Variants in ARHGEF17 observed in about 807,000 individuals in gnomAD.
ARHGEF17 encodes 164 kDa Rho-specific guanine-nucleotide exchange factor.
Under a neutral mutation model 174.0 loss-of-function variants are expected in ARHGEF17, and 80 were observed. That is an observed-to-expected ratio of 0.46 (90% CI 0.38 to 0.55). The LOEUF is 0.55. Ranked by LOEUF, ARHGEF17 falls within the 20% of genes least tolerant of loss-of-function variation. ARHGEF17 has a pLI of 0.00. For synonymous variants in ARHGEF17, 1,311 were observed against 1,189.1 expected (o/e 1.10, Z -2.11); for missense variants, 2,886 against 2,839.7 (o/e 1.02, Z -0.37).
rs539868816 is a variant in ARHGEF17, at chr11:73,350,987, G to A, written c.3271-1843G>A. Among the ~76,000 whole-genome samples, 12 of 152,346 alleles carry A rather than the reference G, an allele frequency of 7.9e-5. No individual in the cohort carries two copies. In the East Asian group the frequency reaches 1.4e-3, roughly 17 times the overall value. The stretch of plus-strand genomic sequence containing the variant: ...GGGGCATTGGCTTGTGCCAGGTTCC[G>A]TATTGGGCTCTCAGTCATTGTTTGT... On this transcript the variant is annotated intron_variant, in intron 2 of 20. Transcript: ENST00000263674.
rs1865621344 is a variant in ARHGEF17 at position 73,355,436 on chromosome 11, G to A, written c.3454-97G>A. 6 of 771,300 alleles carry A rather than the reference G, an allele frequency of 7.8e-6. No homozygotes were observed. In the East Asian group the frequency reaches 1.5e-4, roughly 19 times the overall value. The allele number at this position is 771,300 out of a possible 1,614,324, so 47.8% of individuals were successfully genotyped here. The stretch of plus-strand genomic sequence containing the variant: ...GAGATTGTATCATTTCTAGTTGGAG[G>A]GAAAAGATGGTGACTCATGAATCAG... On this transcript the variant is annotated intron_variant, in intron 3 of 20. Transcript: ENST00000263674.
rs751964355 is a variant in ARHGEF17 at position 73,346,929 on chromosome 11, C to T, written c.3239C>T (p.Ser1080Leu). The stretch of plus-strand genomic sequence containing the variant: ...ATGACCCTGCTGGACACAGAGCAGT[C>T]GTATGTGGAGTCGCTGCGCACCCTG... The part of the protein sequence containing the change: ...VAMTLLDTEQ[S>L]YVESLRTLMQ... The change falls in exon 2 of 21, where the codon TCG becomes TTG. Residue 1080 changes from serine (S) to leucine (L), a missense_variant. Around this residue, in one of 4 missense-constraint regions of ARHGEF17, gnomAD observed 353 missense variants for 470.3 expected, o/e 0.75. Coordinates refer to ENST00000263674, the MANE Select transcript of ARHGEF17 (RefSeq NM_014786.4). 3.2e-6 allele frequency: 5 copies of T among 1,565,450 alleles called. No homozygotes were observed. The highest frequency in any genetic ancestry group is 1.8e-5 in the Admixed American group (1 of 56,790).
Position 73,310,544 on chromosome 11 carries a change from C to T in ARHGEF17, c.1906C>T (p.Leu636Phe), listed in dbSNP as rs766325143. 6.2e-7 allele frequency: 1 copy of T among 1,614,080 alleles called. No homozygotes were observed. The highest frequency in any genetic ancestry group is 2.2e-5 in the East Asian group (1 of 44,892). ...VTRGQRSQEE[L>F]SGPESSLTDE... ...CCGAGGGCAGCGGTCCCAGGAGGAG[C>T]TCTCAGGCCCTGAGTCCAGTCTGAC... The change falls in exon 1 of 21, where the codon CTC becomes TTC. Residue 636 changes from leucine to phenylalanine, a missense_variant. This residue lies in a region of ARHGEF17 where 1,728 missense variants were observed against 1,461.2 expected (regional missense o/e 1.18). Transcript: ENST00000263674.
rs200889748 is a variant in ARHGEF17 at position 73,367,696 on chromosome 11, C to G, written c.6108C>G (p.Phe2036Leu). The change falls in exon 21 of 21, where the codon TTC becomes TTG. Residue 2036 changes from phenylalanine to leucine, a missense_variant. By Grantham distance (22) the Phe-to-Leu change is conservative (BLOSUM62 0). This residue lies in a region of ARHGEF17 where 329 missense variants were observed against 435.2 expected (regional missense o/e 0.76). Coordinates refer to ENST00000263674, the MANE Select transcript of ARHGEF17 (RefSeq NM_014786.4). Reference protein sequence around the residue: ...VISGGDGYEDFRLSSGGGSSS... With the variant: ...VISGGDGYEDLRLSSGGGSSS... ...GTGGAGGTGATGGCTATGAGGACTT[C>G]CGACTCAGCAGTGGGGGCGGCAGCA... The G allele has an allele frequency of 3.5e-5, 56 of 1,613,988 alleles. No homozygotes were observed. Among genetic ancestry groups the G allele is most frequent in the Non-Finnish European group, 2.5e-6 (3 of 1,180,016 alleles).
In ARHGEF17 at chr11:73,365,623, G is replaced by A; in HGVS notation, c.5726-55G>A. On this transcript the variant is annotated intron_variant, in intron 19 of 20. Transcript: ENST00000263674. This position sits in a 1 kb window ranked among gnomAD's most constrained non-coding sequence, Gnocchi z 4.9. ...GGAGCCTTTCTGCCCGATCGTAGAG[G>A]CGGCTGAGCCAGGGCCAGAATTCAG... 1 of 1,608,016 alleles carries A rather than the reference G, an allele frequency of 6.2e-7. No homozygotes were observed. The highest frequency in any genetic ancestry group is 1.7e-5 in the Admixed American group (1 of 59,928).
chr11:73,329,582 T>C (rs112683374), intron 1 of ARHGEF17, among the ~76,000 whole-genome samples: 12,022 of 150,898 alleles, frequency 0.08, 608 homozygotes, highest in Non-Finnish European at 0.11. Flanking sequence ...GTATTTTTAG[T>C]AGAGATGGGA....
At position 73,308,633 on chromosome 11, in the gene ARHGEF17, G is replaced by T. The variant is rs1864732898; in HGVS notation, c.-6G>T. On this transcript the variant is annotated 5_prime_UTR_variant, in exon 1 of 21. Coordinates refer to ENST00000263674, the MANE Select transcript of ARHGEF17 (RefSeq NM_014786.4). ...GGCCAGCCCCCCCGGAGTGAGTTAC[G>T]CCACTATGGCGGACGGGGCACCCCG... 2 of 1,481,518 alleles carry T rather than the reference G, an allele frequency of 1.3e-6. No homozygotes were observed. Among genetic ancestry groups the T allele is most frequent in the South Asian group, 2.6e-5 (2 of 77,512 alleles). The allele number at this position is 1,481,518 out of a possible 1,614,324, so 91.8% of individuals were successfully genotyped here.
At chr11:73,315,127 A>G (rs1366483055) in intron 1 of ARHGEF17, among the ~76,000 whole-genome samples, 14 of 152,340 alleles carry the variant, frequency 9.2e-5, no homozygotes, top group Admixed American at 7.2e-4. Flanking sequence ...GAATCCTAGC[A>G]TATCAGTGTC....
At position 73,309,376 on chromosome 11, in the gene ARHGEF17, T is replaced by A; in HGVS notation, c.738T>A (p.Arg246=). The change falls in exon 1 of 21, where the codon CGT becomes CGA. Residue 246 remains arginine, a synonymous_variant. Transcript: ENST00000263674. ...CCTCCTATCCTGTCAGCCGCAGTCGTGCTGCCAGCTCCAGCGAGGAGGAAG... is the reference window on the plus strand; with the variant it reads ...CCTCCTATCCTGTCAGCCGCAGTCGAGCTGCCAGCTCCAGCGAGGAGGAAG... ...IAASYPVSRS[R]AASSSEEEEE... is the part of the protein sequence containing the mutation. 1.3e-6 allele frequency: 2 copies of A among 1,589,800 alleles called. No homozygotes were observed. The highest frequency in any genetic ancestry group is 1.7e-6 in the Non-Finnish European group (2 of 1,167,668).
intron 1 of ARHGEF17, among the ~76,000 whole-genome samples, chr11:73,339,471 C>T (rs1208507636): frequency 6.6e-6 from 1 of 151,970 alleles, no homozygotes; most frequent in Non-Finnish European, 1.5e-5. Context: ...GTTATCTGTC[C>T]ATTTGTTTGT....
rs780509093 is a variant in ARHGEF17, at chr11:73,310,337, A to G, written c.1699A>G (p.Ser567Gly). The G allele has an allele frequency of 3.1e-6, 5 of 1,613,638 alleles. No homozygotes were observed. The East Asian group carries it at 1.1e-4, about 36-fold the overall frequency. Residue 567 changes from serine (S) to glycine (G), a missense_variant, in exon 1 of 21, where the codon AGC (serine) becomes GGC (glycine). By Grantham distance (56) the Ser-to-Gly change is moderately conservative (BLOSUM62 0). Around this residue, in one of 4 missense-constraint regions of ARHGEF17, gnomAD observed 1,728 missense variants for 1,461.2 expected, o/e 1.18. Coordinates refer to ENST00000263674, the MANE Select transcript of ARHGEF17 (RefSeq NM_014786.4). Reference protein sequence around the residue: ...RLPRTSALKSSSSELLLTGPG... With the variant: ...RLPRTSALKSGSSELLLTGPG... Reference sequence around the variant, plus strand: ...GCCCCGCACCAGTGCTCTGAAGTCCAGCTCCTCCGAGCTCCTGCTCACAGG... The same window carrying G: ...GCCCCGCACCAGTGCTCTGAAGTCCGGCTCCTCCGAGCTCCTGCTCACAGG...
chr11:73,347,664 C>T (rs1865487035), intron 2 of ARHGEF17, among the ~76,000 whole-genome samples: 1 of 152,178 alleles, frequency 6.6e-6, no homozygotes, highest in Non-Finnish European at 1.5e-5. Context: ...GCTGTGGGGG[C>T]CTAGAACACC....
rs1388770136 is a variant in ARHGEF17 at position 73,363,204 on chromosome 11, A to C, written c.4997-2A>C. On this transcript the variant is annotated splice_acceptor_variant, in intron 14 of 20. Transcript: ENST00000263674. LOFTEE classifies it high-confidence loss of function. ...GGAGACAGAGACCTTTGTCTCCCTC[A>C]GATGAGGAGACCCCGAGTTCCAAGG... The C allele has an allele frequency of 6.4e-7, 1 of 1,551,090 alleles. No homozygotes were observed. The highest frequency in any genetic ancestry group is 8.7e-7 in the Non-Finnish European group (1 of 1,147,048).
At chr11:73,341,480 A>T (rs1318260846) in intron 1 of ARHGEF17, among the ~76,000 whole-genome samples, 8 of 146,142 alleles carry the variant, frequency 5.5e-5, no homozygotes, top group Non-Finnish European at 4.5e-5. Context: ...CTAATTTTGT[A>T]TTTTTTTTTT....
At position 73,346,966 on chromosome 11, in the gene ARHGEF17, G is replaced by C. The variant is rs1334561082; in HGVS notation, c.3270+6G>C. On this transcript the variant is annotated splice_donor_region_variant and intron_variant, in intron 2 of 20. Coordinates refer to ENST00000263674, the MANE Select transcript of ARHGEF17 (RefSeq NM_014786.4). ...CGCTGCGCACCCTGATGCAGGTGGG[G>C]CTCGGGGCCCACTCCCCTGAGAATG... The C allele has an allele frequency of 1.9e-6, 3 of 1,589,778 alleles. No homozygotes were observed. Among genetic ancestry groups the C allele is most frequent in the Non-Finnish European group, 2.6e-6 (3 of 1,164,504 alleles).
In ARHGEF17 at chr11:73,309,861, G is replaced by C. The variant is rs765745175; in HGVS notation, c.1223G>C (p.Arg408Thr). 9.3e-6 allele frequency: 15 copies of C among 1,613,266 alleles called. No homozygotes were observed. The highest frequency in any genetic ancestry group is 1.3e-5 in the Non-Finnish European group (15 of 1,180,020). Residue 408 changes from arginine (R) to threonine (T), a missense_variant, in exon 1 of 21, where the codon AGG becomes ACG. By Grantham distance (71) the Arg-to-Thr change is moderately conservative. Coordinates refer to ENST00000263674, the MANE Select transcript of ARHGEF17 (RefSeq NM_014786.4). ...TLKDDDLWSS[R>T]GSGGWGVYRS... The stretch of plus-strand genomic sequence containing the variant: ...AAGGACGACGACCTATGGTCTAGTA[G>C]GGGTTCTGGGGGCTGGGGCGTGTAC...
chr11:73,334,899 G>A (rs1278563865), intron 1 of ARHGEF17, among the ~76,000 whole-genome samples: 1 of 152,242 alleles, frequency 6.6e-6, no homozygotes, highest in African/African-American at 2.4e-5. Context: ...CTGCTTTCCA[G>A]TGCTCTGTGC....
intron 9 of ARHGEF17, among the ~76,000 whole-genome samples, chr11:73,358,151 G>A (rs1865676203): frequency 6.6e-6 from 1 of 152,260 alleles, no homozygotes; most frequent in African/African-American, 2.4e-5. Context: ...AGGTGGTGAG[G>A]GTTGGGATGG....
Position 73,308,333 on chromosome 11 carries a change from G to T in ARHGEF17, c.-306G>T, listed in dbSNP as rs746968311. On this transcript the variant is annotated 5_prime_UTR_variant, in exon 1 of 21. Transcript: ENST00000263674. Reference sequence around the variant, plus strand: ...TTGGGCAGGCGGACGCAGAGTCGAGGAACCAAGCGCTGGGATCCCGCCCAG... The same window carrying T: ...TTGGGCAGGCGGACGCAGAGTCGAGTAACCAAGCGCTGGGATCCCGCCCAG... The T allele has an allele frequency of 2.2e-5, 7 of 323,446 alleles. No homozygotes were observed. The highest frequency in any genetic ancestry group is 3.9e-5 in the Non-Finnish European group (7 of 178,152). 20.0% of individuals were successfully genotyped at this position (323,446 alleles called of 1,614,324 possible).
Sources: gnomAD v4.1 joint callset for allele counts (sites outside exome capture counted in the v4.1 genomes callset) on GRCh38, gnomAD v4.1.1 for gene constraint, gnomAD v4.1.1 regional missense constraint, Gnocchi (gnomAD v3.1) non-coding constraint, MANE v1.5 for transcripts, NCBI Gene and HGNC (gene_info 2026-07-23, HGNC 2026-07-21) for gene names.